Variants in WDR7 observed in about 807,000 individuals in gnomAD.
WDR7 encodes WD repeat domain 7, also known as WD repeat-containing protein 7.
A neutral mutation model predicts 169.4 loss-of-function variants in WDR7; 46 were observed. The observed-to-expected ratio is 0.27, with a 90% CI of 0.21 to 0.35. The LOEUF (loss-of-function observed/expected upper bound fraction) is 0.35. Among genes scored for constraint, WDR7 ranks in the 10% least tolerant of loss-of-function variants. WDR7 has a pLI of 1.00. For missense variants in WDR7, 1,534 were observed against 1,859.3 expected, an observed-to-expected ratio of 0.83 and a Z score of 3.22; for synonymous variants, 612 against 666.8, an observed-to-expected ratio of 0.92 and a Z score of 1.27.
chr18:56,944,205 G>A (rs1209141836), intron 25 of WDR7, among the ~76,000 whole-genome samples: 1 of 151,804 alleles, frequency 6.6e-6, no homozygotes, highest in East Asian at 1.9e-4. Flanking sequence ...TGTTGGCCAG[G>A]ATGGTGTTGA....
At chr18:56,651,682 G>T (rs1384493141) in intron 1 of WDR7, 106 bp downstream of exon 1, 1 of 152,454 alleles carries the variant, frequency 6.6e-6, no homozygotes, top group Admixed American at 6.5e-5. Flanking sequence ...GCTCTAGCCG[G>T]GGGCGGTGCT....
At chr18:56,816,858 G>A (rs1044013831) in intron 20 of WDR7, among the ~76,000 whole-genome samples, 2 of 151,870 alleles carry the variant, frequency 1.3e-5, no homozygotes, top group African/African-American at 2.4e-5. Flanking sequence ...GGGTGTGGGT[G>A]GTTAAAATTT....
At chr18:56,671,416 C>G (rs1199914090) in intron 1 of WDR7, among the ~76,000 whole-genome samples, 1 of 151,714 alleles carries the variant, frequency 6.6e-6, no homozygotes, top group Non-Finnish European at 1.5e-5. Context: ...GGTTTACAGG[C>G]ACCTGCCACC....
rs777363837 is a variant in WDR7 at position 56,791,788 on chromosome 18, G to A, written c.3190+10132G>A. ...AGAAGTGGATGCATACTTGGGGCCA[G>A]AAACCTTTCCTTCTCCGTTTTGTCA... is the stretch of plus-strand genomic sequence containing the variant. On this transcript the variant is annotated intron_variant, in intron 19 of 27. Coordinates refer to ENST00000254442, the MANE Select transcript of WDR7 (RefSeq NM_015285.3). 1.2e-4 allele frequency among the ~76,000 whole-genome samples: 18 copies of A among 152,306 alleles called. No individual in the cohort carries two copies. In the South Asian group the frequency reaches 3.5e-3, roughly 30 times the overall value.
intron 1 of WDR7, among the ~76,000 whole-genome samples, chr18:56,669,717 C>T (rs192675144): frequency 1.8e-4 from 28 of 152,096 alleles, no homozygotes; most frequent in Admixed American, 9.2e-4. Flanking sequence ...TTAAAGTTAA[C>T]AGATTATTCT....
intron 14 of WDR7, among the ~76,000 whole-genome samples, chr18:56,734,615 C>T (rs1301261354): frequency 6.6e-6 from 1 of 151,538 alleles, no homozygotes; most frequent in Non-Finnish European, 1.5e-5. Flanking sequence ...TTTTTAATCT[C>T]ACTCTTCCTC....
intron 26 of WDR7, among the ~76,000 whole-genome samples, chr18:56,973,363 T>A (rs1334619098): frequency 1.3e-5 from 2 of 152,224 alleles, no homozygotes; most frequent in Non-Finnish European, 2.9e-5. Flanking sequence ...AGGCTAAAAT[T>A]TATTTTGAGT....
At chr18:56,673,458 C>T (rs891508470) in intron 2 of WDR7, among the ~76,000 whole-genome samples, 3 of 152,108 alleles carry the variant, frequency 2.0e-5, no homozygotes, top group Non-Finnish European at 2.9e-5. Flanking sequence ...TTTCTTAGTA[C>T]GTTCATAAAG....
intron 20 of WDR7, among the ~76,000 whole-genome samples, chr18:56,854,134 C>A (rs2145379698): frequency 6.6e-6 from 1 of 152,284 alleles, no homozygotes; most frequent in Middle Eastern, 3.4e-3. Flanking sequence ...GGGGATTTCT[C>A]CCCTCCAGCA....
intron 26 of WDR7, among the ~76,000 whole-genome samples, chr18:56,972,867 G>A (rs2047510746): frequency 6.6e-6 from 1 of 151,772 alleles, no homozygotes; most frequent in African/African-American, 2.4e-5. Context: ...TGTTTTTTGT[G>A]TTTTGTTTTG....
chr18:56,656,596 T>TA (rs2024780830), intron 1 of WDR7, among the ~76,000 whole-genome samples: 1 of 151,568 alleles, frequency 6.6e-6, no homozygotes. Flanking sequence ...TTTTTTTTTT[T>TA]TAACTGTTCT....
chr18:56,934,203 G>A (rs937264375), intron 22 of WDR7, among the ~76,000 whole-genome samples: 1 of 152,072 alleles, frequency 6.6e-6, no homozygotes, highest in Non-Finnish European at 1.5e-5. Context: ...CTTAAAATTT[G>A]GGTTTATAAT....
intron 23 of WDR7, among the ~76,000 whole-genome samples, chr18:56,936,694 C>T (rs974303534): frequency 6.6e-6 from 1 of 152,094 alleles, no homozygotes; most frequent in Admixed American, 6.5e-5. Flanking sequence ...CCCTAATAGG[C>T]ATGCTGTAAA....
At chr18:56,655,667 C>T (rs1262227822) in intron 1 of WDR7, among the ~76,000 whole-genome samples, 1 of 150,510 alleles carries the variant, frequency 6.6e-6, no homozygotes, top group African/African-American at 2.5e-5. Context: ...TATTCTATCA[C>T]TACAAAGATT....
At chr18:56,950,132 T>G (rs1249112759) in intron 25 of WDR7, among the ~76,000 whole-genome samples, 1 of 152,204 alleles carries the variant, frequency 6.6e-6, no homozygotes, top group Non-Finnish European at 1.5e-5. Context: ...CTGACGAGTG[T>G]TTTTCTCCAA....
chr18:57,026,934 G>A (rs1386805656), intron 27 of WDR7, 70 bp from the exon 28 acceptor site: 19 of 1,500,496 alleles, frequency 1.3e-5, no homozygotes, highest in African/African-American at 1.2e-4. Flanking sequence ...AGGAGAGATC[G>A]ACCCAGTCTC....
intron 26 of WDR7, among the ~76,000 whole-genome samples, chr18:57,001,862 G>A (rs1162148436): frequency 6.6e-6 from 1 of 152,068 alleles, no homozygotes; most frequent in Non-Finnish European, 1.5e-5. Context: ...ATTTCAATCT[G>A]TTTCCTTACT....
At chr18:56,819,296 A>G (rs1157145771) in intron 20 of WDR7, among the ~76,000 whole-genome samples, 2 of 152,230 alleles carry the variant, frequency 1.3e-5, no homozygotes, top group Admixed American at 1.3e-4. Context: ...GGAAGAGAAC[A>G]GCTGGAAAGA....
At chr18:56,880,255 T>C in intron 21 of WDR7, 90 bp downstream of exon 21, 2 of 1,254,168 alleles carry the variant, frequency 1.6e-6, no homozygotes, top group African/African-American at 1.5e-5. Context: ...ATATCCTGAG[T>C]TTTAGCTCAT....
Sources: gnomAD v4.1 joint callset for allele counts (sites outside exome capture counted in the v4.1 genomes callset) on GRCh38, gnomAD v4.1.1 for gene constraint, MANE v1.5 for transcripts, NCBI Gene and HGNC (gene_info 2026-07-23, HGNC 2026-07-21) for gene names.